The following EFCAB6 variants were observed in gnomAD, a reference collection of about 807,000 sequenced individuals.
EFCAB6 encodes EF-hand calcium-binding domain-containing protein 6.
In EFCAB6, 156 loss-of-function variants were observed where a neutral mutation model predicts 169.8. That is an observed-to-expected ratio of 0.92 (90% confidence interval 0.81 to 1.05). EFCAB6 has a LOEUF of 1.05. Ranked by LOEUF, EFCAB6 falls within the 50% of genes least tolerant of loss-of-function variation. EFCAB6 has a pLI of 0.00. For missense variants in EFCAB6, 1,800 were observed against 1,829.1 expected (o/e 0.98, Z 0.29); for synonymous variants, 698 against 676.4 (o/e 1.03, Z -0.50).
intron 10 of EFCAB6, among the ~76,000 whole-genome samples, chr22:43,690,214 T>C (rs1307140306): frequency 6.6e-6 from 1 of 151,904 alleles, no homozygotes; most frequent in Admixed American, 6.6e-5. Context: ...AAAATGTAAA[T>C]CCGGGCTGGG....
chr22:43,712,305 A>G (rs2059188931), intron 9 of EFCAB6, among the ~76,000 whole-genome samples: 1 of 148,206 alleles, frequency 6.7e-6, no homozygotes, highest in Non-Finnish European at 1.5e-5. Context: ...ATATTCTCCA[A>G]TATCTTCAAC....
intron 10 of EFCAB6, among the ~76,000 whole-genome samples, chr22:43,701,020 A>G (rs2058747282): frequency 1.3e-5 from 2 of 152,230 alleles, no homozygotes; most frequent in South Asian, 2.1e-4. Flanking sequence ...GTCTATCTCA[A>G]TAAAAGATAG....
At chr22:43,584,469 C>A (rs1171183643) in intron 24 of EFCAB6, among the ~76,000 whole-genome samples, 1 of 151,742 alleles carries the variant, frequency 6.6e-6, no homozygotes, top group Non-Finnish European at 1.5e-5. Context: ...TGGGCTTTAA[C>A]TTCAGGAGTC....
chr22:43,560,455 A>C (rs977125043), intron 26 of EFCAB6, among the ~76,000 whole-genome samples: 43 of 152,338 alleles, frequency 2.8e-4, no homozygotes, highest in East Asian at 1.4e-3. Context: ...GAGCCCTTAC[A>C]TCATAAGACC....
intron 8 of EFCAB6, among the ~76,000 whole-genome samples, chr22:43,717,845 T>G (rs2059387883): frequency 6.6e-6 from 1 of 152,154 alleles, no homozygotes; most frequent in African/African-American, 2.4e-5. Context: ...TGAAACAATC[T>G]AAATGCCCAT....
intron 18 of EFCAB6, among the ~76,000 whole-genome samples, chr22:43,633,288 G>A (rs1441442352): frequency 1.3e-5 from 2 of 152,186 alleles, no homozygotes. Flanking sequence ...GTTGGCTCAC[G>A]CCTGTAATCC....
At chr22:43,615,464 A>T (rs2053624721) in intron 21 of EFCAB6, among the ~76,000 whole-genome samples, 1 of 152,222 alleles carries the variant, frequency 6.6e-6, no homozygotes, top group Non-Finnish European at 1.5e-5. Flanking sequence ...ACAGCATCTT[A>T]TATTTTTCAT....
chr22:43,620,555 T>C (rs1310600082), intron 20 of EFCAB6, among the ~76,000 whole-genome samples: 1 of 152,098 alleles, frequency 6.6e-6, no homozygotes, highest in East Asian at 1.9e-4. Context: ...ACTAAGACAA[T>C]TTGTCTCCAA....
At chr22:43,696,176 T>C (rs2058569242) in intron 10 of EFCAB6, among the ~76,000 whole-genome samples, 2 of 152,216 alleles carry the variant, frequency 1.3e-5, no homozygotes, top group South Asian at 4.1e-4. Context: ...AGAATATATA[T>C]GAATGGCCAA....
At chr22:43,679,952 G>C (rs2057938075) in intron 12 of EFCAB6, among the ~76,000 whole-genome samples, 1 of 152,026 alleles carries the variant, frequency 6.6e-6, no homozygotes, top group Non-Finnish European at 1.5e-5. Context: ...CTTTCTTAAA[G>C]GTATCTTTTG....
intron 11 of EFCAB6, 43 bp downstream of exon 11, chr22:43,687,428 A>C: frequency 8.8e-7 from 1 of 1,136,362 alleles, no homozygotes; most frequent in Non-Finnish European, 1.2e-6. Context: ...ACATATTATG[A>C]TATGTGTAAC....
At chr22:43,805,317 C>T (rs552937835) in intron 2 of EFCAB6, among the ~76,000 whole-genome samples, 4 of 152,100 alleles carry the variant, frequency 2.6e-5, no homozygotes, top group South Asian at 4.2e-4. Flanking sequence ...AGATTCAGTG[C>T]GATGTGATAC....
At chr22:43,789,166 T>C (rs2062181781) in intron 2 of EFCAB6, among the ~76,000 whole-genome samples, 1 of 152,082 alleles carries the variant, frequency 6.6e-6, no homozygotes, top group Non-Finnish European at 1.5e-5. Flanking sequence ...CTTTTAGAGG[T>C]GACAAAAATG....
chr22:43,793,419 A>T (rs941325216), intron 2 of EFCAB6, among the ~76,000 whole-genome samples: 1 of 152,206 alleles, frequency 6.6e-6, no homozygotes, highest in Non-Finnish European at 1.5e-5. Context: ...CTACCTAAAC[A>T]TTCTTGGTAT....
intron 27 of EFCAB6, among the ~76,000 whole-genome samples, chr22:43,546,804 C>T (rs796960723): frequency 7.3e-5 from 11 of 150,294 alleles, no homozygotes; most frequent in South Asian, 2.1e-4. Flanking sequence ...ACCCAGGAGG[C>T]GGAGGTTGTG....
At chr22:43,647,332 AC>A (rs1164482890) in intron 17 of EFCAB6, among the ~76,000 whole-genome samples, 3 of 152,244 alleles carry the variant, frequency 2.0e-5, no homozygotes, top group Non-Finnish European at 4.4e-5. Flanking sequence ...TGGAACTATA[AC>A]AAAACAAAAA....
chr22:43,779,654 C>T (rs976736154), intron 3 of EFCAB6, among the ~76,000 whole-genome samples: 1 of 152,064 alleles, frequency 6.6e-6, no homozygotes, highest in Non-Finnish European at 1.5e-5. Flanking sequence ...GCAGGAGAAT[C>T]GCTTGAACCC....
intron 2 of EFCAB6, among the ~76,000 whole-genome samples, chr22:43,794,279 G>C (rs2062416769): frequency 6.6e-6 from 1 of 152,180 alleles, no homozygotes; most frequent in Non-Finnish European, 1.5e-5. Flanking sequence ...CATCTATTTT[G>C]CTGGGCACTG....
intron 5 of EFCAB6, among the ~76,000 whole-genome samples, chr22:43,762,955 C>T (rs554756121): frequency 1.3e-5 from 2 of 152,206 alleles, no homozygotes; most frequent in African/African-American, 2.4e-5. Flanking sequence ...TCTTAGTCCC[C>T]ACTTAGCACT....
Sources: gnomAD v4.1 joint callset for allele counts (sites outside exome capture counted in the v4.1 genomes callset) on GRCh38, gnomAD v4.1.1 for gene constraint, MANE v1.5 for transcripts, NCBI Gene and HGNC (gene_info 2026-07-23, HGNC 2026-07-21) for gene names.